Variants in TP53BP2 observed in about 807,000 individuals in gnomAD.
TP53BP2 encodes the protein apoptosis-stimulating of p53 protein 2.
TP53BP2 carries 62 observed loss-of-function variants against 126.2 expected under a neutral mutation model. That is an observed-to-expected ratio of 0.49 (90% CI 0.40 to 0.61). The LOEUF is 0.61. TP53BP2 is among the 20% of genes least tolerant of loss of function. The probability of loss-of-function intolerance (pLI) is 0.00; values close to 1 mark genes in which losing one functional copy is unlikely to be tolerated. For missense variants in TP53BP2, 1,215 were observed against 1,402.8 expected (o/e 0.87, Z 2.14); for synonymous variants, 485 against 502.9 (o/e 0.96, Z 0.48).
rs749876772 is a variant in TP53BP2, at chr1:223,804,193, T to C, written c.630A>G (p.Arg210=). The stretch of plus-strand genomic sequence containing the variant: ...ACTCACCAAGTTTCCCATTGCTTAG[T>C]CTCTTCTGTTCCACGTGGCCTTTAA... ...RALKGHVEQK[R]LSNGKLVEEI... The change falls in exon 6 of 18, where the codon AGA becomes AGG. Residue 210 remains arginine, a synonymous_variant. Coordinates refer to ENST00000343537, the MANE Select transcript of TP53BP2 (RefSeq NM_001031685.3). 10 of 1,608,416 alleles carry C rather than the reference T, an allele frequency of 6.2e-6. No homozygotes were observed. In the South Asian group the frequency reaches 1.0e-4, roughly 16 times the overall value.
At chr1:223,792,606 G>T in intron 14 of TP53BP2, 84 bp from the exon 15 acceptor site, 1 of 1,340,032 alleles carries the variant, frequency 7.5e-7, no homozygotes, top group Non-Finnish European at 1.0e-6. Flanking sequence ...AGGGTCAAGA[G>T]GACAGAAATG....
intron 1 of TP53BP2, among the ~76,000 whole-genome samples, chr1:223,842,818 C>T (rs975240756): frequency 1.3e-5 from 2 of 152,186 alleles, no homozygotes; most frequent in Non-Finnish European, 2.9e-5. Context: ...ATACAACATG[C>T]GGATCACTAA....
At chr1:223,788,254 G>T (rs974237007) in intron 16 of TP53BP2, among the ~76,000 whole-genome samples, 1 of 152,126 alleles carries the variant, frequency 6.6e-6, no homozygotes, top group Admixed American at 6.6e-5. Flanking sequence ...ACCCTTAGGG[G>T]TCTTCCAATC....
intron 2 of TP53BP2, among the ~76,000 whole-genome samples, chr1:223,820,725 T>C (rs1663272885): frequency 6.6e-6 from 1 of 152,142 alleles, no homozygotes; most frequent in Non-Finnish European, 1.5e-5. Flanking sequence ...CCACCTCCTA[T>C]GGAGCCAAAA....
intron 1 of TP53BP2, chr1:223,845,261 C>A (rs1156884349): frequency 4.1e-6 from 4 of 985,034 alleles, no homozygotes; most frequent in Non-Finnish European, 4.8e-6. Flanking sequence ...ATGTTTCACT[C>A]CAGTAAAAAG....
rs188221300 is a variant in TP53BP2, at chr1:223,822,855, T to C, written c.28-1488A>G. 2.3e-3 allele frequency among the ~76,000 whole-genome samples: 343 copies of C among 152,300 alleles called. 2 individuals are homozygous for C. Among genetic ancestry groups the C allele is most frequent in the African/African-American group, 8.0e-3 (331 of 41,574 alleles). On this transcript the variant is annotated intron_variant, in intron 1 of 17. Transcript: ENST00000343537. ...ACAGGAAACAAGTTTTCGACAGTGA[T>C]GCAAATTAGTAAGGCTCTATGTTTA...
At chr1:223,817,121 C>T (rs989435462) in intron 2 of TP53BP2, among the ~76,000 whole-genome samples, 4 of 150,734 alleles carry the variant, frequency 2.7e-5, no homozygotes, top group African/African-American at 9.8e-5. Flanking sequence ...GACTGAATCA[C>T]ACTGCACTCC....
At chr1:223,797,631 G>A (rs141038537) in intron 12 of TP53BP2, among the ~76,000 whole-genome samples, 1,580 of 152,026 alleles carry the variant, frequency 0.01, 35 homozygotes, top group African/African-American at 0.036. Context: ...GGCTGGTCTC[G>A]AACTCCCAAC....
intron 1 of TP53BP2, among the ~76,000 whole-genome samples, chr1:223,826,241 A>T (rs1470470863): frequency 6.6e-6 from 1 of 152,234 alleles, no homozygotes; most frequent in African/African-American, 2.4e-5. Flanking sequence ...CAGATCATGC[A>T]TGTCTTTATA....
intron 6 of TP53BP2, 38 bp downstream of exon 6, chr1:223,804,136 A>G: frequency 6.3e-7 from 1 of 1,579,486 alleles, no homozygotes; most frequent in Non-Finnish European, 8.6e-7. Context: ...CCAGACAAAT[A>G]AATGTATAAA....
chr1:223,792,616 G>A, intron 14 of TP53BP2, 94 bp from the exon 15 acceptor site: 1 of 1,275,060 alleles, frequency 7.8e-7, no homozygotes, highest in South Asian at 1.5e-5. Flanking sequence ...GGACAGAAAT[G>A]GACTCTTGTG....
In TP53BP2 at chr1:223,802,713, A is replaced by C; in HGVS notation, c.996+18T>G. The stretch of plus-strand genomic sequence containing the variant: ...TTTTTCCCTCCTCCCCAAAACCATT[A>C]CAAAACGGCCCACTTACTGGTAGAT... On this transcript the variant is annotated intron_variant, in intron 8 of 17. Transcript: ENST00000343537. 6.2e-7 allele frequency: 1 copy of C among 1,613,780 alleles called. No individual in the cohort carries two copies. The highest frequency in any genetic ancestry group is 8.5e-7 in the Non-Finnish European group (1 of 1,179,830).
intron 1 of TP53BP2, 112 bp from the exon 2 acceptor site, chr1:223,821,479 A>G (rs1663307562): frequency 7.0e-7 from 1 of 1,425,092 alleles, no homozygotes; most frequent in Non-Finnish European, 9.8e-7. Context: ...AACGTACAAC[A>G]GAACAGTCTG....
At chr1:223,808,998 C>T (rs1158260800) in intron 4 of TP53BP2, among the ~76,000 whole-genome samples, 1 of 152,072 alleles carries the variant, frequency 6.6e-6, no homozygotes, top group African/African-American at 2.4e-5. Flanking sequence ...AACAGTAAAA[C>T]TCTGGTGGGC....
chr1:223,805,972 T>C (rs752735044), intron 5 of TP53BP2, among the ~76,000 whole-genome samples: 3 of 152,180 alleles, frequency 2.0e-5, no homozygotes, highest in Non-Finnish European at 2.9e-5. Context: ...TTGGGTCAGA[T>C]TGGAAGCCTA....
intron 1 of TP53BP2, among the ~76,000 whole-genome samples, chr1:223,842,712 C>T (rs886837384): frequency 2.0e-5 from 3 of 152,226 alleles, no homozygotes; most frequent in Non-Finnish European, 4.4e-5. Flanking sequence ...TAACACTTCA[C>T]AAAATCAAAG....
intron 3 of TP53BP2, among the ~76,000 whole-genome samples, chr1:223,813,674 C>T (rs2102865330): frequency 6.6e-6 from 1 of 152,262 alleles, no homozygotes; most frequent in East Asian, 1.9e-4. Flanking sequence ...GGGCTGTAGA[C>T]CACCACTGGA....
chr1:223,838,894 T>C (rs985769616), intron 1 of TP53BP2, among the ~76,000 whole-genome samples: 2 of 152,040 alleles, frequency 1.3e-5, no homozygotes, highest in African/African-American at 4.8e-5. Flanking sequence ...TATTGAGATG[T>C]TTCCTTTGCC....
chr1:223,795,884 A>G lies in TP53BP2; in HGVS notation c.2655T>C (p.Pro885=). ...TCACCGAGTCTTCTCCGGGCCCTTC[A>G]GGCTCCCCAGATGGGTATGGTGGGG... ...YPPPPYPSGE[P]EGPGEDSVSM... The change falls in exon 13 of 18, where the codon CCT becomes CCC. Residue 885 remains proline, a synonymous_variant. Coordinates refer to ENST00000343537, the MANE Select transcript of TP53BP2 (RefSeq NM_001031685.3). 1.2e-6 allele frequency: 2 copies of G among 1,602,056 alleles called. No homozygotes were observed. Among genetic ancestry groups the G allele is most frequent in the Non-Finnish European group, 1.7e-6 (2 of 1,174,576 alleles).
Sources: gnomAD v4.1 joint callset for allele counts (sites outside exome capture counted in the v4.1 genomes callset) on GRCh38, gnomAD v4.1.1 for gene constraint, MANE v1.5 for transcripts, NCBI Gene and HGNC (gene_info 2026-07-23, HGNC 2026-07-21) for gene names.